Variants in DCDC2 observed in about 807,000 individuals in gnomAD.
DCDC2 encodes doublecortin domain-containing protein 2.
A neutral mutation model predicts 50.2 loss-of-function variants in DCDC2; 40 were observed. The observed-to-expected ratio is 0.80, with a 90% CI of 0.62 to 1.04. The LOEUF is 1.04. Among genes scored for constraint, DCDC2 ranks in the 50% least tolerant of loss-of-function variants. DCDC2 has a pLI of 0.00. For missense variants in DCDC2, 570 were observed against 581.9 expected (o/e 0.98, Z 0.21); for synonymous variants, 234 against 210.6 (o/e 1.11, Z -0.96).
At chr6:24,311,946 G>C (rs1361202192) in intron 2 of DCDC2, among the ~76,000 whole-genome samples, 1 of 152,196 alleles carries the variant, frequency 6.6e-6, no homozygotes, top group Non-Finnish European at 1.5e-5. Flanking sequence ...TATGCATTCA[G>C]ATGGCCTGAA....
chr6:24,277,565 A>G (rs1763387962), intron 7 of DCDC2, among the ~76,000 whole-genome samples: 1 of 152,202 alleles, frequency 6.6e-6, no homozygotes, highest in South Asian at 2.1e-4. Flanking sequence ...ATGAAACTAC[A>G]TCTAATTTTG....
At chr6:24,346,960 T>G (rs1358597967) in intron 2 of DCDC2, among the ~76,000 whole-genome samples, 1 of 152,120 alleles carries the variant, frequency 6.6e-6, no homozygotes, top group Admixed American at 6.5e-5. Flanking sequence ...ACCTGTGGAA[T>G]TCACATGTAT....
intron 7 of DCDC2, among the ~76,000 whole-genome samples, chr6:24,213,312 G>A (rs1197614973): frequency 1.3e-5 from 2 of 152,036 alleles, no homozygotes; most frequent in Non-Finnish European, 2.9e-5. Context: ...TTATCACTAA[G>A]ACTGCCTATC....
At chr6:24,284,247 G>A (rs1396636281) in intron 6 of DCDC2, among the ~76,000 whole-genome samples, 4 of 152,084 alleles carry the variant, frequency 2.6e-5, no homozygotes, top group African/African-American at 4.8e-5. Context: ...GTGTCCCACT[G>A]CCTCCTGCTT....
At chr6:24,339,164 T>C (rs1482624512) in intron 2 of DCDC2, among the ~76,000 whole-genome samples, 3 of 151,984 alleles carry the variant, frequency 2.0e-5, no homozygotes, top group Non-Finnish European at 2.9e-5. Context: ...TTGCCTGCAA[T>C]GCTCTTCCTC....
At chr6:24,176,627 C>T (rs1384902115) in intron 9 of DCDC2, among the ~76,000 whole-genome samples, 2 of 152,130 alleles carry the variant, frequency 1.3e-5, no homozygotes, top group African/African-American at 4.8e-5. Flanking sequence ...GGTGAGAACC[C>T]TTCAAATCTG....
At chr6:24,287,695 T>C (rs1763643233) in intron 6 of DCDC2, among the ~76,000 whole-genome samples, 1 of 152,210 alleles carries the variant, frequency 6.6e-6, no homozygotes. Flanking sequence ...TCTCCCCTCA[T>C]CTACCTTTTT....
intron 2 of DCDC2, among the ~76,000 whole-genome samples, chr6:24,302,847 A>C (rs1759406718): frequency 2.0e-5 from 3 of 149,052 alleles, no homozygotes; most frequent in Non-Finnish European, 3.0e-5. Context: ...CTCTCATCTC[A>C]CCTCACCCCT....
intron 6 of DCDC2, among the ~76,000 whole-genome samples, chr6:24,281,680 G>A (rs1409971403): frequency 6.6e-6 from 1 of 151,924 alleles, no homozygotes; most frequent in Non-Finnish European, 1.5e-5. Context: ...GGGAGAGAGG[G>A]AGCTTTTTCT....
the DCDC2 span, among the ~76,000 whole-genome samples, chr6:24,373,614 G>A: frequency 6.6e-6 from 1 of 152,126 alleles, no homozygotes; most frequent in African/African-American, 2.4e-5. Flanking sequence ...GTGACCCATC[G>A]GGATGTAGAC....
intron 2 of DCDC2, among the ~76,000 whole-genome samples, chr6:24,332,592 G>A (rs1396602480): frequency 6.6e-6 from 1 of 152,106 alleles, no homozygotes; most frequent in Non-Finnish European, 1.5e-5. Context: ...TGACACACAG[G>A]AATCCAGGTG....
At position 24,288,859 on chromosome 6, in the gene DCDC2, T is replaced by G; in HGVS notation, c.752A>C (p.Lys251Thr). ...LPPIVGSRKS[K>T]GSGNDRHSKS... is the part of the protein sequence containing the mutation. ...AAAGCATCTGATACTTACACTCCCTTTAGACTTTCTGGATCCTACAATAGG... is the reference window on the plus strand; with the variant it reads ...AAAGCATCTGATACTTACACTCCCTGTAGACTTTCTGGATCCTACAATAGG... Residue 251 changes from lysine to threonine, a missense_variant, in exon 6 of 10, where the codon AAA (lysine) becomes ACA (threonine). Physicochemically the swap from Lys to Thr is moderately conservative, Grantham distance 78 (BLOSUM62 -1). Coordinates refer to ENST00000378454, the MANE Select transcript of DCDC2 (RefSeq NM_016356.5). The G allele has an allele frequency of 5.0e-6, 8 of 1,611,632 alleles. No homozygotes were observed. The highest frequency in any genetic ancestry group is 6.8e-6 in the Non-Finnish European group (8 of 1,178,790).
chr6:24,227,238 A>T (rs1304597635), intron 7 of DCDC2, among the ~76,000 whole-genome samples: 1 of 152,184 alleles, frequency 6.6e-6, no homozygotes, highest in Admixed American at 6.5e-5. Flanking sequence ...TCTGGATGAG[A>T]TGCCAGTTTT....
intron 2 of DCDC2, among the ~76,000 whole-genome samples, chr6:24,349,406 G>A (rs565362921): frequency 6.6e-6 from 1 of 152,286 alleles, no homozygotes; most frequent in South Asian, 2.1e-4. Context: ...GAAGCAGAGA[G>A]GACAAGGTAG....
At chr6:24,286,724 T>A (rs9379650) in intron 6 of DCDC2, among the ~76,000 whole-genome samples, 1 of 152,004 alleles carries the variant, frequency 6.6e-6, no homozygotes, top group Non-Finnish European at 1.5e-5. Context: ...CAACTCAACA[T>A]GTTTGAAATT....
intron 6 of DCDC2, among the ~76,000 whole-genome samples, chr6:24,282,392 G>A (rs1428579829): frequency 1.3e-5 from 2 of 151,880 alleles, no homozygotes; most frequent in African/African-American, 2.4e-5. Context: ...ACAGGCACCC[G>A]CCACCACACC....
At chr6:24,277,148 C>G (rs1249244953) in intron 7 of DCDC2, among the ~76,000 whole-genome samples, 1 of 152,158 alleles carries the variant, frequency 6.6e-6, no homozygotes, top group Non-Finnish European at 1.5e-5. Flanking sequence ...TAATGTAACT[C>G]TTCATATCGA....
intron 2 of DCDC2, among the ~76,000 whole-genome samples, chr6:24,304,537 T>C (rs1759435876): frequency 6.6e-6 from 1 of 152,070 alleles, no homozygotes. Flanking sequence ...CTGAACAAAA[T>C]TCAAGTGGTT....
At chr6:24,286,779 A>G (rs1421174027) in intron 6 of DCDC2, among the ~76,000 whole-genome samples, 1 of 152,048 alleles carries the variant, frequency 6.6e-6, no homozygotes, top group African/African-American at 2.4e-5. Context: ...TTGGCCATAG[A>G]ACTACCATTT....
Sources: gnomAD v4.1 joint callset for allele counts (sites outside exome capture counted in the v4.1 genomes callset) on GRCh38, gnomAD v4.1.1 for gene constraint, MANE v1.5 for transcripts, NCBI Gene and HGNC (gene_info 2026-07-23, HGNC 2026-07-21) for gene names.